Variants in SANBR observed in about 807,000 individuals in gnomAD.
The protein encoded by SANBR is SANT and BTB domain regulator of class switch recombination.
In SANBR, 77 loss-of-function variants were observed where a neutral mutation model predicts 101.8. That is an observed-to-expected ratio of 0.76 (90% CI 0.63 to 0.91). The LOEUF is 0.91. Ranked by LOEUF, SANBR falls within the 40% of genes least tolerant of loss-of-function variation. The pLI is 0.00. For missense variants in SANBR, 875 were observed against 853.0 expected (o/e 1.03, Z -0.32); for synonymous variants, 279 against 274.7 (o/e 1.02, Z -0.15).
At chr2:61,070,030 A>G (rs1022836695) in intron 2 of SANBR, among the ~76,000 whole-genome samples, 2 of 152,150 alleles carry the variant, frequency 1.3e-5, no homozygotes, top group Non-Finnish European at 2.9e-5. Context: ...AAATTACTTA[A>G]CAACTCTGAA....
rs1171541113 is a variant in SANBR at position 61,108,331 on chromosome 2, A to C, written c.1626A>C (p.Lys542Asn). 6.3e-7 allele frequency: 1 copy of C among 1,577,078 alleles called. No individual in the cohort carries two copies. ...TGELNAFLSL[K>N]NWTLQLKQQS... Reference sequence around the variant, plus strand: ...CTGTCTTGTAGTTCTTGTCATTGAAAAACTGGACTCTACAACTGGTAAGTG... The same window carrying C: ...CTGTCTTGTAGTTCTTGTCATTGAACAACTGGACTCTACAACTGGTAAGTG... Residue 542 changes from lysine (K) to asparagine (N), a missense_variant, in exon 15 of 22, where the codon AAA (lysine) becomes AAC (asparagine). By Grantham distance (94) the Lys-to-Asn change is moderately conservative (BLOSUM62 0). Coordinates refer to ENST00000402291, the MANE Select transcript of SANBR (RefSeq NM_001129993.3).
chr2:61,100,497 G>C (rs960745541), intron 12 of SANBR, among the ~76,000 whole-genome samples: 1 of 152,154 alleles, frequency 6.6e-6, no homozygotes, highest in East Asian at 1.9e-4. Flanking sequence ...GAGAAGGCAC[G>C]GTAGGGTGGG....
intron 14 of SANBR, among the ~76,000 whole-genome samples, chr2:61,107,657 A>C (rs115806086): frequency 6.6e-6 from 1 of 152,248 alleles, no homozygotes; most frequent in African/African-American, 2.4e-5. Flanking sequence ...TAATCCCTGC[A>C]CTTTGGGAGG....
chr2:61,088,380 T>C lies in SANBR; in HGVS notation c.1000T>C (p.Leu334=). ...TAGATGCTGTTTGTGTAAGAAACTT[T>C]TAACAAAAGAAACAGAAAGAAGAAT... is the stretch of plus-strand genomic sequence containing the variant. The part of the protein sequence containing the change: ...LYRCCLCKKL[L]TKETERRIPC... The change falls in exon 10 of 22, where the codon TTA becomes CTA. Residue 334 remains leucine, a synonymous_variant. Transcript: ENST00000402291. 6.3e-7 allele frequency: 1 copy of C among 1,597,220 alleles called. No homozygotes were observed. The highest frequency in any genetic ancestry group is 8.5e-7 in the Non-Finnish European group (1 of 1,173,638).
intron 4 of SANBR, among the ~76,000 whole-genome samples, chr2:61,072,768 C>T (rs1681541928): frequency 7.0e-6 from 1 of 142,056 alleles, no homozygotes; most frequent in South Asian, 2.2e-4. Context: ...TGCCCTGTGC[C>T]CTTTACTTAA....
At chr2:61,104,119 T>C in intron 13 of SANBR, 121 bp downstream of exon 13, 4 of 793,198 alleles carry the variant, frequency 5.0e-6, no homozygotes, top group Middle Eastern at 3.1e-4. Flanking sequence ...TTCAGAAAAC[T>C]TAACTGAAAT....
At chr2:61,066,948 G>T (rs1340696235) in intron 1 of SANBR, among the ~76,000 whole-genome samples, 1 of 152,094 alleles carries the variant, frequency 6.6e-6, no homozygotes, top group Non-Finnish European at 1.5e-5. Flanking sequence ...ATATTGTCAA[G>T]ATTTTGATAT....
In SANBR at chr2:61,106,579, C is replaced by G. The variant is rs2104938377; in HGVS notation, c.1528C>G (p.Leu510Val). 1.3e-6 allele frequency: 2 copies of G among 1,597,788 alleles called. No homozygotes were observed. Among genetic ancestry groups the G allele is most frequent in the Middle Eastern group, 1.7e-4 (1 of 6,030 alleles). ...KDTVSDVGVG[L>V]CDEKGIECDV... ...TCTTTCAAGTGATGTTGGGGTTGGC[C>G]TCTGTGATGAAAAGGGTATAGAATG... The change falls in exon 14 of 22, where the codon CTC becomes GTC. Residue 510 changes from leucine to valine, a missense_variant. Leu to Val is a conservative substitution (Grantham distance 32). Transcript: ENST00000402291.
chr2:61,083,004 C>G, intron 7 of SANBR, 150 bp from the exon 8 acceptor site: 1 of 616,956 alleles, frequency 1.6e-6, no homozygotes, highest in Non-Finnish European at 2.9e-6. Context: ...TGGAACAGTA[C>G]AGATTAAGTC....
chr2:61,077,039 C>T lies in SANBR; in HGVS notation c.551C>T (p.Ala184Val). ...TTTGCTGAATATTTATCTATGGATG[C>T]CCAGCGCTGGGAAGAGGTGGACATT... Reference protein sequence around the residue: ...KYFAEYLSMDAQRWEEVDISV... With the variant: ...KYFAEYLSMDVQRWEEVDISV... Residue 184 changes from alanine (A) to valine (V), a missense_variant, in exon 6 of 22, where the codon GCC (alanine) becomes GTC (valine). Coordinates refer to ENST00000402291, the MANE Select transcript of SANBR (RefSeq NM_001129993.3). 6.2e-7 allele frequency: 1 copy of T among 1,613,584 alleles called. No individual in the cohort carries two copies. Among genetic ancestry groups the T allele is most frequent in the Non-Finnish European group, 8.5e-7 (1 of 1,179,574 alleles).
chr2:61,103,827 C>T, intron 12 of SANBR, 26 bp from the exon 13 acceptor site: 18 of 1,609,158 alleles, frequency 1.1e-5, no homozygotes, highest in Non-Finnish European at 1.5e-5. Context: ...AAACTAACCT[C>T]TAATTTATTG....
Position 61,122,944 on chromosome 2 carries a change from A to G in SANBR, c.*782A>G. ...TTCTGTTATATGAGACACCCACTGT[A>G]CAGTTCTCAGGGCTCTAAAACCCAA... On this transcript the variant is annotated 3_prime_UTR_variant, in exon 22 of 22. Coordinates refer to ENST00000402291, the MANE Select transcript of SANBR (RefSeq NM_001129993.3). The G allele has an allele frequency of 2.0e-6, 2 of 985,406 alleles. No individual in the cohort carries two copies. The highest frequency in any genetic ancestry group is 4.7e-5 in the South Asian group (1 of 21,284). 61.0% of individuals were successfully genotyped at this position (985,406 alleles called of 1,614,324 possible).
intron 16 of SANBR, among the ~76,000 whole-genome samples, chr2:61,111,949 A>G (rs545847302): frequency 4.3e-4 from 66 of 152,042 alleles, no homozygotes; most frequent in Non-Finnish European, 8.1e-4. Flanking sequence ...TCCATTCCCA[A>G]TTTCATGGGC....
chr2:61,067,497 G>C (rs1025481941), intron 1 of SANBR, among the ~76,000 whole-genome samples: 1 of 152,122 alleles, frequency 6.6e-6, no homozygotes, highest in African/African-American at 2.4e-5. Flanking sequence ...CAGCACTTTG[G>C]GAGGCCGAGA....
intron 12 of SANBR, among the ~76,000 whole-genome samples, chr2:61,103,216 A>G (rs951444074): frequency 6.6e-6 from 1 of 151,368 alleles, no homozygotes; most frequent in African/African-American, 2.4e-5. Flanking sequence ...GCTAAAGGCA[A>G]TCTCGACCTC....
intron 21 of SANBR, among the ~76,000 whole-genome samples, chr2:61,121,875 C>T (rs189695979): frequency 6.6e-6 from 1 of 152,220 alleles, no homozygotes; most frequent in East Asian, 1.9e-4. Context: ...TTATTCATCC[C>T]ACTTATATTT....
intron 21 of SANBR, among the ~76,000 whole-genome samples, chr2:61,135,297 T>C (rs990994828): frequency 6.6e-6 from 1 of 152,242 alleles, no homozygotes; most frequent in Admixed American, 6.5e-5. Flanking sequence ...AAGGGATCTC[T>C]CAAGTGTATT....
chr2:61,075,864 A>G (rs1326711942), intron 5 of SANBR, among the ~76,000 whole-genome samples: 1 of 152,062 alleles, frequency 6.6e-6, no homozygotes, highest in Non-Finnish European at 1.5e-5. Context: ...AAATTTTAGT[A>G]TTTAATGATA....
chr2:61,088,264 T>C lies in SANBR; in HGVS notation c.977+19T>C, dbSNP rs749022384. 2 of 1,587,904 alleles carry C rather than the reference T, an allele frequency of 1.3e-6. No homozygotes were observed. Among genetic ancestry groups the C allele is most frequent in the African/African-American group, 1.4e-5 (1 of 73,838 alleles). Reference sequence around the variant, plus strand: ...TGTATAGGTATGCTAACATGTTTTTTTCTTTGGTGTACTTTATAATGCAGC... The same window carrying C: ...TGTATAGGTATGCTAACATGTTTTTCTCTTTGGTGTACTTTATAATGCAGC... On this transcript the variant is annotated intron_variant, in intron 9 of 21. Transcript: ENST00000402291.
Sources: allele counts gnomAD v4.1 joint callset (sites outside exome capture counted in the v4.1 genomes callset), GRCh38; gene constraint gnomAD v4.1.1; transcripts MANE v1.5; gene names NCBI Gene and HGNC (gene_info 2026-07-23, HGNC 2026-07-21).